PSMB1: variants seen among roughly 807,000 people sequenced by gnomAD.
The protein encoded by PSMB1 is proteasome 20S subunit beta 1.
A neutral mutation model predicts 25.4 loss-of-function variants in PSMB1; 7 were observed. The ratio of observed to expected loss-of-function variants is 0.28; its 90% CI spans 0.16 to 0.52. The LOEUF (loss-of-function observed/expected upper bound fraction) is 0.52, where lower values mean the gene tolerates loss of function less well. Among genes scored for constraint, PSMB1 ranks in the 20% least tolerant of loss-of-function variants. The pLI is 0.97. For missense variants in PSMB1, 284 were observed against 302.2 expected, an observed-to-expected ratio of 0.94 and a Z score of 0.45; for synonymous variants, 119 against 115.0, an observed-to-expected ratio of 1.03 and a Z score of -0.22.
chr6:170,536,762 G>C (rs142974288), intron 5 of PSMB1, among the ~76,000 whole-genome samples: 1 of 152,144 alleles, frequency 6.6e-6, no homozygotes, highest in Non-Finnish European at 1.5e-5. Context: ...AGGCTTATTT[G>C]TAAGTTTTCT....
intron 1 of PSMB1, among the ~76,000 whole-genome samples, chr6:170,552,339 TAAAC>T (rs528212781): frequency 1.0e-3 from 153 of 152,354 alleles, no homozygotes; most frequent in Non-Finnish European, 1.4e-3. Flanking sequence ...TCAAGAGTCT[TAAAC>T]AGAGCATCTT....
intron 3 of PSMB1, 71 bp downstream of exon 3, chr6:170,546,032 C>T (rs1010058152): frequency 2.3e-6 from 3 of 1,323,634 alleles, no homozygotes; most frequent in Admixed American, 3.9e-5. Flanking sequence ...AACAGTCATG[C>T]TGTAGGCTTA....
intron 4 of PSMB1, among the ~76,000 whole-genome samples, chr6:170,541,264 G>A (rs912475467): frequency 6.6e-6 from 1 of 151,834 alleles, no homozygotes; most frequent in Non-Finnish European, 1.5e-5. Flanking sequence ...ACAAGGAACT[G>A]ACAAAAAGTT....
intron 4 of PSMB1, among the ~76,000 whole-genome samples, chr6:170,543,176 C>A (rs1344984925): frequency 1.3e-5 from 2 of 152,138 alleles, no homozygotes; most frequent in African/African-American, 4.8e-5. Flanking sequence ...TCAAAAAGTT[C>A]TGAAAACACT....
chr6:170,543,807 GAATA>G, intron 3 of PSMB1, 77 bp from the exon 4 acceptor site: 2 of 1,333,298 alleles, frequency 1.5e-6, no homozygotes, highest in East Asian at 2.5e-5. Context: ...AGTATAAAGT[GAATA>G]AATAAATGCA....
Position 170,537,284 on chromosome 6 carries a change from T to C in PSMB1, c.490A>G (p.Lys164Glu). The C allele has an allele frequency of 6.2e-7, 1 of 1,614,148 alleles. No homozygotes were observed. The highest frequency in any genetic ancestry group is 8.5e-7 in the Non-Finnish European group (1 of 1,180,018). Residue 164 changes from lysine (K) to glutamate (E), a missense_variant, in exon 5 of 6, where the codon AAG (lysine) becomes GAG (glutamate). Lys to Glu is a moderately conservative substitution (Grantham distance 56). Transcript: ENST00000262193. Reference protein sequence around the residue: ...PVGSYQRDSFKAGGSASAMLQ... With the variant: ...PVGSYQRDSFEAGGSASAMLQ... ...ATGGCACTTGCTGAGCCTCCAGCCT[T>C]GAAGGAGTCTCTCTGGTAAGACCCT...
chr6:170,551,305 G>T (rs907800682), intron 1 of PSMB1, among the ~76,000 whole-genome samples: 1 of 152,184 alleles, frequency 6.6e-6, no homozygotes, highest in Non-Finnish European at 1.5e-5. Context: ...TGGAAAACCA[G>T]ATTTGGGAGT....
Position 170,543,529 on chromosome 6 carries a change from C to G in PSMB1, c.433+72G>C, listed in dbSNP as rs1005744543. ...ATGGTATTTATGGTTCTTTTCAACT[C>G]TAGATGGATACACACATCTAGGGAA... On this transcript the variant is annotated intron_variant, in intron 4 of 5. Coordinates refer to ENST00000262193, the MANE Select transcript of PSMB1 (RefSeq NM_002793.4). 2.2e-5 allele frequency: 31 copies of G among 1,392,186 alleles called. No individual in the cohort carries two copies. In the African/African-American group the frequency reaches 3.5e-4, roughly 16 times the overall value. 86.2% of individuals were successfully genotyped at this position (1,392,186 alleles called of 1,614,324 possible). A position where few individuals can be genotyped will look rare whatever the true frequency, so the allele number is the denominator to read the frequency against.
intron 2 of PSMB1, among the ~76,000 whole-genome samples, chr6:170,548,192 G>T (rs966980704): frequency 3.3e-5 from 5 of 152,138 alleles, no homozygotes; most frequent in Non-Finnish European, 7.4e-5. Flanking sequence ...GAAAGACAAC[G>T]TATCTTTTCT....
rs1172642283 is a variant in PSMB1 at position 170,537,218 on chromosome 6, G to A, written c.540+16C>T. 1 of 1,595,820 alleles carries A rather than the reference G, an allele frequency of 6.3e-7. No homozygotes were observed. The highest frequency in any genetic ancestry group is 1.1e-5 in the South Asian group (1 of 90,436). On this transcript the variant is annotated intron_variant, in intron 5 of 5. Coordinates refer to ENST00000262193, the MANE Select transcript of PSMB1 (RefSeq NM_002793.4). ...AAGTTGGACATAGTATCATTACCTG[G>A]ACACAGTATCATTACCTGGTTGTCA...
At chr6:170,546,876 AG>A (rs1225533800) in intron 2 of PSMB1, among the ~76,000 whole-genome samples, 2 of 152,228 alleles carry the variant, frequency 1.3e-5, no homozygotes, top group Non-Finnish European at 2.9e-5. Flanking sequence ...TAAAACCCTA[AG>A]AAAATATATT....
rs77821876 is a variant in PSMB1 at position 170,541,558 on chromosome 6, G to A, written c.433+2043C>T. 8.2e-3 allele frequency among the ~76,000 whole-genome samples: 1,253 copies of A among 152,284 alleles called. 22 individuals are homozygous for A. Among genetic ancestry groups the A allele is most frequent in the African/African-American group, 0.029 (1,202 of 41,548 alleles). On this transcript the variant is annotated intron_variant, in intron 4 of 5. Coordinates refer to ENST00000262193, the MANE Select transcript of PSMB1 (RefSeq NM_002793.4). ...GTACAAATACAGAGTTTTGGAAAAT[G>A]GAGGTAAGTACCAGGAAATACAGGT...
chr6:170,553,224 T>A lies in PSMB1; in HGVS notation c.19A>T (p.Met7Leu), dbSNP rs200449804. 4.3e-6 allele frequency: 7 copies of A among 1,613,016 alleles called. No individual in the cohort carries two copies. Among genetic ancestry groups the A allele is most frequent in the Non-Finnish European group, 5.9e-6 (7 of 1,179,510 alleles). ...AAGTCTCTGCCAGGAGCCGAATACA[T>A]GGCTGTAGAGGACAACATCGCACGG... MLSSTA[M>L]YSAPGRDLGM... is the part of the protein sequence containing the mutation. Residue 7 changes from methionine (M) to leucine (L), a missense_variant, in exon 1 of 6, where the codon ATG becomes TTG. By Grantham distance (15) the Met-to-Leu change is conservative. Transcript: ENST00000262193.
chr6:170,550,909 G>T (rs1004677940), intron 1 of PSMB1, among the ~76,000 whole-genome samples: 7 of 132,950 alleles, frequency 5.3e-5, no homozygotes, highest in East Asian at 2.2e-4. Flanking sequence ...GGCTGAGGGG[G>T]GGGGGGGGGG....
chr6:170,539,975 A>G (rs931563366), intron 4 of PSMB1, among the ~76,000 whole-genome samples: 2 of 152,258 alleles, frequency 1.3e-5, no homozygotes, highest in Non-Finnish European at 2.9e-5. Context: ...GTATAGTTAC[A>G]GAAAAACAGA....
chr6:170,537,423 G>T, intron 4 of PSMB1, 83 bp from the exon 5 acceptor site: 1 of 1,093,684 alleles, frequency 9.1e-7, no homozygotes, highest in Non-Finnish European at 1.4e-6. Flanking sequence ...GTCAAAACGT[G>T]ACACAAAACG....
chr6:170,539,550 T>C (rs1271538249), intron 4 of PSMB1, among the ~76,000 whole-genome samples: 1 of 152,158 alleles, frequency 6.6e-6, no homozygotes, highest in Non-Finnish European at 1.5e-5. Context: ...CCCAAGAATA[T>C]ATATAAATGA....
chr6:170,541,868 T>C (rs1212271825), intron 4 of PSMB1, among the ~76,000 whole-genome samples: 2 of 152,162 alleles, frequency 1.3e-5, no homozygotes, highest in African/African-American at 4.8e-5. Flanking sequence ...GATTAGACTC[T>C]CTAACTCTCG....
At chr6:170,548,229 G>A (rs879720660) in intron 2 of PSMB1, among the ~76,000 whole-genome samples, 3 of 152,172 alleles carry the variant, frequency 2.0e-5, no homozygotes, top group African/African-American at 4.8e-5. Flanking sequence ...ACAATACAAG[G>A]AGGGTCCATC....
Sources: gnomAD v4.1 joint callset for allele counts (sites outside exome capture counted in the v4.1 genomes callset) on GRCh38, gnomAD v4.1.1 for gene constraint, MANE v1.5 for transcripts, NCBI Gene and HGNC (gene_info 2026-07-23, HGNC 2026-07-21) for gene names.